LINGO2: variants seen among roughly 807,000 people sequenced by gnomAD.
LINGO2 encodes leucine rich repeat and Ig domain containing 2, also known as leucine-rich repeat and immunoglobulin-like domain-containing nogo receptor-interacting protein 2.
Under a neutral mutation model 30.6 loss-of-function variants are expected in LINGO2, and 14 were observed. The observed-to-expected ratio is 0.46, with a 90% CI of 0.30 to 0.72. The LOEUF (loss-of-function observed/expected upper bound fraction) is 0.72, where lower values mean the gene tolerates loss of function less well. Among genes scored for constraint, LINGO2 ranks in the 30% least tolerant of loss-of-function variants. LINGO2 has a pLI of 0.07. For synonymous variants in LINGO2, 317 were observed against 288.5 expected (o/e 1.10, Z -1.00); for missense variants, 729 against 751.7 (o/e 0.97, Z 0.35).
At chr9:28,152,749 A>G (rs554705349) in intron 4 of LINGO2, among the ~76,000 whole-genome samples, 81 of 152,356 alleles carry the variant, frequency 5.3e-4, no homozygotes, top group Middle Eastern at 3.4e-3. Context: ...ATGTAAAAAA[A>G]TAAAAATGCA....
the LINGO2 span, among the ~76,000 whole-genome samples, chr9:28,935,445 T>G: frequency 5.9e-5 from 9 of 152,074 alleles, no homozygotes; most frequent in East Asian, 1.7e-3. Context: ...ACTGGGAGAG[T>G]AGAGAAGAAG....
intron 1 of LINGO2, among the ~76,000 whole-genome samples, chr9:28,583,484 A>C (rs1824368099): frequency 6.6e-6 from 1 of 152,048 alleles, no homozygotes; most frequent in African/African-American, 2.4e-5. Flanking sequence ...TATTGTTTTC[A>C]TGAAAAGGCT....
chr9:28,378,885 T>C (rs1034226783), intron 2 of LINGO2, among the ~76,000 whole-genome samples: 12 of 152,062 alleles, frequency 7.9e-5, no homozygotes, highest in Non-Finnish European at 1.8e-4. Context: ...GGGAAGAAAG[T>C]CAATTTTTGC....
chr9:28,386,102 C>T (rs1360182041), intron 2 of LINGO2, among the ~76,000 whole-genome samples: 1 of 152,138 alleles, frequency 6.6e-6, no homozygotes, highest in Non-Finnish European at 1.5e-5. Context: ...TGACTTATAT[C>T]CCTCTGCCTG....
intron 4 of LINGO2, among the ~76,000 whole-genome samples, chr9:28,023,026 G>GTT (rs1306604407): frequency 6.6e-6 from 1 of 151,780 alleles, no homozygotes; most frequent in Non-Finnish European, 1.5e-5. Flanking sequence ...CTTTCTCAGA[G>GTT]TTTTCCATAT....
intron 2 of LINGO2, among the ~76,000 whole-genome samples, chr9:28,462,679 C>T (rs1156245740): frequency 6.6e-6 from 1 of 151,946 alleles, no homozygotes; most frequent in Admixed American, 6.6e-5. Context: ...CTTGCTCACA[C>T]TCATAGGATA....
At chr9:29,199,344 A>T in the LINGO2 span, among the ~76,000 whole-genome samples, 19 of 152,122 alleles carry the variant, frequency 1.2e-4, no homozygotes, top group Non-Finnish European at 2.5e-4. Context: ...ACAGCCAGAA[A>T]TTTTTTATAG....
chr9:29,096,122 T>C, the LINGO2 span, among the ~76,000 whole-genome samples: 1 of 138,590 alleles, frequency 7.2e-6, no homozygotes, highest in Non-Finnish European at 1.6e-5. Flanking sequence ...TGATGCATAT[T>C]TTAAGACATG....
At chr9:28,362,367 A>T (rs1014926246) in intron 3 of LINGO2, among the ~76,000 whole-genome samples, 1 of 152,230 alleles carries the variant, frequency 6.6e-6, no homozygotes, top group Non-Finnish European at 1.5e-5. Flanking sequence ...AAATACAAAT[A>T]AAATTATACA....
At chr9:28,845,886 A>C in the LINGO2 span, among the ~76,000 whole-genome samples, 1 of 151,688 alleles carries the variant, frequency 6.6e-6, no homozygotes, top group Non-Finnish European at 1.5e-5. Context: ...GATCTTATTA[A>C]GTTCAGAGAC....
At position 28,512,616 on chromosome 9, in the gene LINGO2, TATATATATATATATATATATAC is replaced by T. The variant is rs754269894; in HGVS notation, c.-364-36613_-364-36592del. On this transcript the variant is annotated intron_variant, in intron 1 of 5. Transcript: ENST00000379992. The stretch of plus-strand genomic sequence containing the variant: ...GTGTATATATATATATATATATATA[TATATATATATATATATATATAC>T]ACACATACATACACACACACACACA... Among the ~76,000 whole-genome samples, 253 of 69,270 alleles carry T rather than the reference TATATATATATATATATATATAC, an allele frequency of 3.7e-3. 6 individuals are homozygous for T. Among genetic ancestry groups the T allele is most frequent in the Middle Eastern group, 0.014 (2 of 146 alleles). 45.4% of individuals were successfully genotyped at this position (69,270 alleles called of 152,430 possible).
intron 4 of LINGO2, among the ~76,000 whole-genome samples, chr9:28,058,389 AAGG>A (rs2133109657): frequency 6.6e-6 from 1 of 152,300 alleles, no homozygotes; most frequent in African/African-American, 2.4e-5. Flanking sequence ...ACTCATACAT[AAGG>A]TACCCAATGT....
intron 3 of LINGO2, among the ~76,000 whole-genome samples, chr9:28,335,360 T>C (rs932499053): frequency 3.3e-5 from 5 of 152,166 alleles, no homozygotes; most frequent in Non-Finnish European, 7.4e-5. Context: ...GGATCTCGCA[T>C]TGTAGCCCTA....
At chr9:28,724,070 C>G in the LINGO2 span, among the ~76,000 whole-genome samples, 9 of 152,030 alleles carry the variant, frequency 5.9e-5, no homozygotes, top group Admixed American at 5.9e-4. Flanking sequence ...TAAATTAAGG[C>G]TAACTTCACC....
chr9:28,931,005 C>A, the LINGO2 span, among the ~76,000 whole-genome samples: 4 of 152,116 alleles, frequency 2.6e-5, no homozygotes, highest in Non-Finnish European at 5.9e-5. Flanking sequence ...CTTCTTCTGG[C>A]AGAACTCAGA....
chr9:28,827,476 T>C, the LINGO2 span, among the ~76,000 whole-genome samples: 1 of 152,174 alleles, frequency 6.6e-6, no homozygotes, highest in African/African-American at 2.4e-5. Context: ...TCCACATCTT[T>C]AAAATGGGTA....
chr9:28,072,563 C>T (rs1825510210), intron 4 of LINGO2, among the ~76,000 whole-genome samples: 1 of 152,158 alleles, frequency 6.6e-6, no homozygotes, highest in Admixed American at 6.5e-5. Flanking sequence ...AATCATATAT[C>T]CCTTCCCAGT....
At chr9:28,615,029 T>A (rs1480302120) in intron 1 of LINGO2, among the ~76,000 whole-genome samples, 2 of 152,284 alleles carry the variant, frequency 1.3e-5, no homozygotes, top group Non-Finnish European at 2.9e-5. Context: ...ATACATTTCA[T>A]CTTCTTTGTA....
intron 1 of LINGO2, among the ~76,000 whole-genome samples, chr9:28,540,382 T>C (rs1463003425): frequency 6.6e-6 from 1 of 151,908 alleles, no homozygotes; most frequent in Non-Finnish European, 1.5e-5. Context: ...CATCTCAGCC[T>C]CCCAAGTAGC....
Sources: gnomAD v4.1 joint callset for allele counts (sites outside exome capture counted in the v4.1 genomes callset) on GRCh38, gnomAD v4.1.1 for gene constraint, MANE v1.5 for transcripts, NCBI Gene and HGNC (gene_info 2026-07-23, HGNC 2026-07-21) for gene names.